The following EPHA7 variants were observed in gnomAD, a reference collection of about 807,000 sequenced individuals.
The protein encoded by EPHA7 is EPH receptor A7.
A neutral mutation model predicts 112.6 loss-of-function variants in EPHA7; 25 were observed. That is an observed-to-expected ratio of 0.22 (90% confidence interval 0.16 to 0.31). EPHA7 has a LOEUF of 0.31. Among genes scored for constraint, EPHA7 ranks in the 10% least tolerant of loss-of-function variants. EPHA7 has a pLI of 1.00. For synonymous variants in EPHA7, 437 were observed against 406.5 expected (o/e 1.07, Z -0.90); for missense variants, 962 against 1,212.6 (o/e 0.79, Z 3.07).
chr6:93,287,071 C>A (rs537293076), intron 5 of EPHA7, among the ~76,000 whole-genome samples: 1 of 152,252 alleles, frequency 6.6e-6, no homozygotes, highest in African/African-American at 2.4e-5. Flanking sequence ...ATATTTTTGG[C>A]ACTTAGTATA....
At chr6:93,372,434 C>G (rs2127961426) in intron 3 of EPHA7, among the ~76,000 whole-genome samples, 1 of 152,064 alleles carries the variant, frequency 6.6e-6, no homozygotes, top group Non-Finnish European at 1.5e-5. Flanking sequence ...AAATAAGAGG[C>G]TAGAAAGTGA....
intron 10 of EPHA7, among the ~76,000 whole-genome samples, chr6:93,258,944 G>C (rs142314436): frequency 2.6e-5 from 4 of 151,668 alleles, no homozygotes. Flanking sequence ...AAGTACAATG[G>C]CTAATACCTA....
At chr6:93,266,398 T>G (rs1040553056) in intron 7 of EPHA7, among the ~76,000 whole-genome samples, 3 of 151,704 alleles carry the variant, frequency 2.0e-5, no homozygotes, top group Non-Finnish European at 4.4e-5. Flanking sequence ...AAAAATGAAC[T>G]CAGGTGAATG....
At chr6:93,246,011 T>C (rs1220956886) in intron 15 of EPHA7, among the ~76,000 whole-genome samples, 4 of 152,200 alleles carry the variant, frequency 2.6e-5, no homozygotes. Context: ...TGGACTCTTT[T>C]TAATGAGTAC....
intron 5 of EPHA7, among the ~76,000 whole-genome samples, chr6:93,347,323 T>C (rs942700615): frequency 6.6e-6 from 1 of 151,886 alleles, no homozygotes; most frequent in Non-Finnish European, 1.5e-5. Flanking sequence ...GATGATTAAC[T>C]GGCTCTGTTA....
chr6:93,405,486 CACCATGAGG>C (rs1380245127), intron 3 of EPHA7, among the ~76,000 whole-genome samples: 2 of 151,834 alleles, frequency 1.3e-5, no homozygotes, highest in East Asian at 3.9e-4. Flanking sequence ...ATTTGTTCAT[CACCATGAGG>C]TTTCTTTACT....
chr6:93,373,695 C>A (rs1039584639), intron 3 of EPHA7, among the ~76,000 whole-genome samples: 3 of 151,800 alleles, frequency 2.0e-5, no homozygotes, highest in Admixed American at 1.3e-4. Context: ...TCACCAATAT[C>A]TCCAAAGCTA....
intron 14 of EPHA7, among the ~76,000 whole-genome samples, chr6:93,251,028 G>C (rs1284024365): frequency 2.0e-5 from 3 of 152,016 alleles, no homozygotes; most frequent in Non-Finnish European, 4.4e-5. Context: ...TAACGAGCCT[G>C]TAATAACTCA....
At chr6:93,360,049 G>C (rs1776181387) in intron 3 of EPHA7, among the ~76,000 whole-genome samples, 1 of 152,112 alleles carries the variant, frequency 6.6e-6, no homozygotes, top group Non-Finnish European at 1.5e-5. Context: ...GAGGAAAGCA[G>C]TTACAAAAAC....
rs149240552 is a variant in EPHA7 at position 93,306,438 on chromosome 6, C to A, written c.1325-34016G>T. Among the ~76,000 whole-genome samples, 1,302 of 152,058 alleles carry A rather than the reference C, an allele frequency of 8.6e-3. 20 individuals are homozygous for A. Among genetic ancestry groups the A allele is most frequent in the African/African-American group, 0.029 (1,198 of 41,542 alleles). ...ATGGATTAATTAAAGCAAATAATTT[C>A]TTTTGAACTAGCCAATCCCACAAAT... is the stretch of plus-strand genomic sequence containing the variant. On this transcript the variant is annotated intron_variant, in intron 5 of 16. Coordinates refer to ENST00000369303, the MANE Select transcript of EPHA7 (RefSeq NM_004440.4).
At chr6:93,300,980 C>A (rs1772949747) in intron 5 of EPHA7, among the ~76,000 whole-genome samples, 1 of 152,110 alleles carries the variant, frequency 6.6e-6, no homozygotes, top group South Asian at 2.1e-4. Context: ...GCAATTGTAA[C>A]ACAAAGGTAA....
At chr6:93,259,246 T>G (rs1770578847) in intron 10 of EPHA7, 108 bp downstream of exon 10, 1 of 1,399,084 alleles carries the variant, frequency 7.1e-7, no homozygotes, top group Admixed American at 2.0e-5. Context: ...TTCAGGTAAA[T>G]GCAAAAGTTC....
At chr6:93,398,148 A>G (rs1015147027) in intron 3 of EPHA7, among the ~76,000 whole-genome samples, 1 of 151,966 alleles carries the variant, frequency 6.6e-6, no homozygotes, top group African/African-American at 2.4e-5. Context: ...AACTATTTCT[A>G]TATATTATTT....
chr6:93,416,729 T>C (rs753753717), intron 1 of EPHA7, among the ~76,000 whole-genome samples: 9 of 152,198 alleles, frequency 5.9e-5, no homozygotes, highest in Non-Finnish European at 1.3e-4. Context: ...ACCCGGACGC[T>C]GGGGGCCAGG....
rs184103147 is a variant in EPHA7 at position 93,361,399 on chromosome 6, A to G, written c.833-2988T>C. Among the ~76,000 whole-genome samples the G allele has an allele frequency of 6.6e-5, 10 of 152,226 alleles. No individual in the cohort carries two copies. In the East Asian group the frequency reaches 1.7e-3, roughly 26 times the overall value. ...AAAAACAAAAGCAGTACCTCTTATA[A>G]TAACAGTGATCTACTGGGTGGAAAA... On this transcript the variant is annotated intron_variant, in intron 3 of 16. Coordinates refer to ENST00000369303, the MANE Select transcript of EPHA7 (RefSeq NM_004440.4).
intron 1 of EPHA7, among the ~76,000 whole-genome samples, chr6:93,417,934 AAG>A (rs1462222572): frequency 6.6e-6 from 1 of 152,004 alleles, no homozygotes. Context: ...TGAGCGAACT[AAG>A]AGGAGTGCAC....
chr6:93,379,624 A>C (rs949945491), intron 3 of EPHA7, among the ~76,000 whole-genome samples: 1 of 152,080 alleles, frequency 6.6e-6, no homozygotes, highest in African/African-American at 2.4e-5. Context: ...TTATACGGCC[A>C]GTGATTATAC....
At chr6:93,276,732 T>C (rs1186397193) in intron 5 of EPHA7, among the ~76,000 whole-genome samples, 2 of 152,074 alleles carry the variant, frequency 1.3e-5, no homozygotes, top group African/African-American at 4.8e-5. Context: ...TATGTTGAAA[T>C]AGCATGGAAT....
chr6:93,369,728 T>C (rs1243451592), intron 3 of EPHA7, among the ~76,000 whole-genome samples: 1 of 152,176 alleles, frequency 6.6e-6, no homozygotes, highest in Non-Finnish European at 1.5e-5. Flanking sequence ...TATGTATCCA[T>C]GGATTCCCAA....
Sources: gnomAD v4.1 joint callset for allele counts (sites outside exome capture counted in the v4.1 genomes callset) on GRCh38, gnomAD v4.1.1 for gene constraint, MANE v1.5 for transcripts, NCBI Gene and HGNC (gene_info 2026-07-23, HGNC 2026-07-21) for gene names.